FHOD3: variants seen among roughly 807,000 people sequenced by gnomAD.
FHOD3 encodes the protein formin homology 2 domain containing 3.
A neutral mutation model predicts 173.0 loss-of-function variants in FHOD3; 90 were observed. The ratio of observed to expected loss-of-function variants is 0.52; its 90% CI spans 0.44 to 0.62. FHOD3 has a LOEUF of 0.62. Ranked by LOEUF, FHOD3 falls within the 20% of genes least tolerant of loss-of-function variation. The pLI is 0.00. For synonymous variants in FHOD3, 828 were observed against 823.0 expected, an observed-to-expected ratio of 1.01 and a Z score of -0.10; for missense variants, 1,945 against 2,034.7, an observed-to-expected ratio of 0.96 and a Z score of 0.85.
chr18:36,614,522 G>A (rs1415912172), intron 9 of FHOD3, among the ~76,000 whole-genome samples: 1 of 152,210 alleles, frequency 6.6e-6, no homozygotes, highest in Admixed American at 6.5e-5. Flanking sequence ...ACCTAGAAGT[G>A]AAATTGCTGG....
At chr18:36,748,381 C>CAA (rs1222302772) in intron 24 of FHOD3, among the ~76,000 whole-genome samples, 1 of 105,844 alleles carries the variant, frequency 9.4e-6, no homozygotes, top group Non-Finnish European at 1.9e-5. Flanking sequence ...CACACACACA[C>CAA]AACACACACA....
chr18:36,407,754 G>C (rs1033855127), intron 3 of FHOD3, among the ~76,000 whole-genome samples: 78 of 152,202 alleles, frequency 5.1e-4, no homozygotes, highest in African/African-American at 1.8e-3. Context: ...TTCCTGAGCT[G>C]CCTGGGTTTG....
chr18:36,355,347 C>G (rs2046311346), intron 1 of FHOD3, among the ~76,000 whole-genome samples, 192 bp from the exon 2 acceptor site: 1 of 152,174 alleles, frequency 6.6e-6, no homozygotes, highest in South Asian at 2.1e-4. Context: ...TAAGAGATGC[C>G]TCATCCATCC....
intron 3 of FHOD3, among the ~76,000 whole-genome samples, chr18:36,415,220 G>A (rs773066431): frequency 9.9e-5 from 15 of 152,242 alleles, no homozygotes; most frequent in South Asian, 4.1e-4. Flanking sequence ...TCCACTGCCA[G>A]AATTCTGTGG....
chr18:36,553,959 A>G (rs1285305941), intron 5 of FHOD3, among the ~76,000 whole-genome samples: 3 of 152,222 alleles, frequency 2.0e-5, no homozygotes, highest in Admixed American at 2.0e-4. Context: ...ACCAGTTAGA[A>G]TGGCGATCAT....
At chr18:36,566,120 A>C (rs1195252267) in intron 5 of FHOD3, among the ~76,000 whole-genome samples, 1 of 152,208 alleles carries the variant, frequency 6.6e-6, no homozygotes, top group Non-Finnish European at 1.5e-5. Context: ...CAGAGCAGCA[A>C]TATTTAAGAG....
intron 1 of FHOD3, among the ~76,000 whole-genome samples, chr18:36,302,190 G>A (rs935256612): frequency 3.3e-5 from 5 of 152,114 alleles, no homozygotes; most frequent in Admixed American, 6.5e-5. Flanking sequence ...ACATTTCAGC[G>A]TGCATCCTCT....
intron 3 of FHOD3, among the ~76,000 whole-genome samples, chr18:36,410,193 A>G (rs1469822125): frequency 2.0e-5 from 3 of 152,184 alleles, no homozygotes; most frequent in African/African-American, 7.2e-5. Context: ...AATCCCTGGT[A>G]ACCATGAATC....
chr18:36,743,902 G>T lies in FHOD3; in HGVS notation c.3880-130G>T. ...ATCAGCCATGGATCATGGAGCATGT[G>T]GCCCCAGGAGCTTCAGCCACAGAGA... On this transcript the variant is annotated intron_variant, in intron 22 of 28. Transcript: ENST00000590592. The T allele has an allele frequency of 1.9e-5, 19 of 986,274 alleles. No individual in the cohort carries two copies. The South Asian group carries it at 2.5e-4, about 13-fold the overall frequency. 61.1% of individuals were successfully genotyped at this position (986,274 alleles called of 1,614,324 possible). A position where few individuals can be genotyped will look rare whatever the true frequency, so the allele number is the denominator to read the frequency against.
chr18:36,501,682 G>A (rs2055039321), intron 3 of FHOD3, among the ~76,000 whole-genome samples: 1 of 152,182 alleles, frequency 6.6e-6, no homozygotes, highest in South Asian at 2.1e-4. Flanking sequence ...ACCTGTTTGA[G>A]AGGGAATAGG....
At chr18:36,664,310 G>A (rs538639019) in intron 14 of FHOD3, among the ~76,000 whole-genome samples, 12 of 152,252 alleles carry the variant, frequency 7.9e-5, no homozygotes, top group Admixed American at 6.5e-4. Context: ...GTACAAATGT[G>A]GTCTGATTCC....
chr18:36,566,110 CAG>C (rs781355674), intron 5 of FHOD3, among the ~76,000 whole-genome samples: 21 of 152,294 alleles, frequency 1.4e-4, no homozygotes, highest in Middle Eastern at 3.4e-3. Context: ...AAAGATTACA[CAG>C]AGCAGCAATA....
At chr18:36,688,413 G>A (rs2038763297) in intron 16 of FHOD3, among the ~76,000 whole-genome samples, 1 of 152,222 alleles carries the variant, frequency 6.6e-6, no homozygotes, top group Admixed American at 6.5e-5. Context: ...TTCAATTTAA[G>A]AATTAGATGC....
Position 36,740,514 on chromosome 18 carries a change from A to G in FHOD3, c.3577-142A>G, listed in dbSNP as rs1238432732. Reference sequence around the variant, plus strand: ...AAATTTGGGTCAAGTTGCTTCAAGTATATTTGGTTTATGACAATATAACAC... The same window carrying G: ...AAATTTGGGTCAAGTTGCTTCAAGTGTATTTGGTTTATGACAATATAACAC... On this transcript the variant is annotated intron_variant, in intron 20 of 28. Coordinates refer to ENST00000590592, the MANE Select transcript of FHOD3 (RefSeq NM_001281740.3). 1.4e-5 allele frequency: 12 copies of G among 846,164 alleles called. No homozygotes were observed. The Admixed American group carries it at 2.7e-4, about 19-fold the overall frequency. 52.4% of individuals were successfully genotyped at this position (846,164 alleles called of 1,614,324 possible). A position where few individuals can be genotyped will look rare whatever the true frequency, so the allele number is the denominator to read the frequency against.
chr18:36,399,652 G>C (rs2048711741), intron 3 of FHOD3, among the ~76,000 whole-genome samples: 1 of 152,184 alleles, frequency 6.6e-6, no homozygotes, highest in Admixed American at 6.5e-5. Flanking sequence ...CTTGTGCTCA[G>C]GTGCTCTAGG....
rs1452287019 is a variant in FHOD3 at position 36,461,542 on chromosome 18, T to C, written c.338-40390T>C. Among the ~76,000 whole-genome samples, 6 of 152,126 alleles carry C rather than the reference T, an allele frequency of 3.9e-5. No individual in the cohort carries two copies. In the East Asian group the frequency reaches 1.2e-3, roughly 29 times the overall value. ...GACTTGGCTCGTGGAATTGCTGGCA[T>C]TGGAATCTCAATTAGAGGTATTTGA... On this transcript the variant is annotated intron_variant, in intron 3 of 28. Transcript: ENST00000590592.
At chr18:36,376,271 T>A (rs1344593262) in intron 3 of FHOD3, among the ~76,000 whole-genome samples, 1 of 152,230 alleles carries the variant, frequency 6.6e-6, no homozygotes, top group Non-Finnish European at 1.5e-5. Context: ...TTTTACTGGC[T>A]GGCTTTGAAG....
At chr18:36,682,380 T>A (rs945232857) in intron 15 of FHOD3, among the ~76,000 whole-genome samples, 1 of 152,162 alleles carries the variant, frequency 6.6e-6, no homozygotes, top group Admixed American at 6.5e-5. Flanking sequence ...CTATACTTTC[T>A]CTTCCTCCTT....
chr18:36,458,712 G>A (rs913901678), intron 3 of FHOD3, among the ~76,000 whole-genome samples: 25 of 131,574 alleles, frequency 1.9e-4, no homozygotes, highest in African/African-American at 7.1e-4. Flanking sequence ...CTTTCCTCCA[G>A]TGAAATCTCA....
Sources: allele counts gnomAD v4.1 joint callset (sites outside exome capture counted in the v4.1 genomes callset), GRCh38; gene constraint gnomAD v4.1.1; transcripts MANE v1.5; gene names NCBI Gene and HGNC (gene_info 2026-07-23, HGNC 2026-07-21).